The following HDGFL2 variants were observed in gnomAD, a reference collection of about 807,000 sequenced individuals.
HDGFL2 encodes the protein hepatoma-derived growth factor-related protein 2.
HDGFL2 carries 36 observed loss-of-function variants against 77.1 expected under a neutral mutation model. That is an observed-to-expected ratio of 0.47 (90% CI 0.36 to 0.62). The LOEUF is 0.62. Ranked by LOEUF, HDGFL2 falls within the 20% of genes least tolerant of loss-of-function variation. The probability of loss-of-function intolerance (pLI) is 0.00; values close to 1 mark genes in which losing one functional copy is unlikely to be tolerated. For synonymous variants in HDGFL2, 463 were observed against 413.1 expected, an observed-to-expected ratio of 1.12 and a Z score of -1.46; for missense variants, 976 against 973.4, an observed-to-expected ratio of 1.00 and a Z score of -0.04.
rs1410122498 is a variant in HDGFL2 at position 4,475,702 on chromosome 19, G to A, written c.288+119G>A. ...ATGGGGCTCGATCGTTCCCTGTGGT[G>A]GGGCATTCTGGGCCCTGCAGGTGCT... On this transcript the variant is annotated intron_variant, in intron 3 of 15. Transcript: ENST00000616600. 2.4e-6 allele frequency: 3 copies of A among 1,242,426 alleles called. 1 individual carries two copies. The highest frequency in any genetic ancestry group is 3.2e-6 in the Non-Finnish European group (3 of 928,894). 77.0% of individuals were successfully genotyped at this position (1,242,426 alleles called of 1,614,324 possible).
intron 10 of HDGFL2, 88 bp downstream of exon 10, chr19:4,496,493 C>G (rs1975706343): frequency 1.0e-6 from 1 of 1,004,006 alleles, no homozygotes; most frequent in East Asian, 2.6e-5. Context: ...GCAGCCCCAC[C>G]TCTGAGTTCA....
intron 3 of HDGFL2, among the ~76,000 whole-genome samples, chr19:4,478,032 A>G (rs1016093818): frequency 7.0e-6 from 1 of 142,180 alleles, no homozygotes; most frequent in Non-Finnish European, 1.5e-5. Flanking sequence ...GTGAGCCAGG[A>G]TTGTGCCACT....
intron 3 of HDGFL2, chr19:4,486,234 T>A (rs544011063): frequency 6.6e-6 from 1 of 152,116 alleles, no homozygotes; most frequent in South Asian, 2.1e-4. Flanking sequence ...CAGCTTGAGC[T>A]TGTTGTAACT....
intron 13 of HDGFL2, 74 bp downstream of exon 13, chr19:4,498,989 C>T (rs1412904001): frequency 3.6e-5 from 38 of 1,057,818 alleles, no homozygotes; most frequent in Admixed American, 3.0e-4. Context: ...GGAGCCCAGG[C>T]CCCCAGCAGG....
chr19:4,484,665 A>ACTTTTTT (rs1975313501), intron 3 of HDGFL2, among the ~76,000 whole-genome samples: 1 of 47,302 alleles, frequency 2.1e-5, no homozygotes, highest in South Asian at 5.4e-4. Context: ...ACGCCTGGCT[A>ACTTTTTT]ATTTTTTTTT....
chr19:4,480,461 G>C (rs1378762442), intron 3 of HDGFL2, among the ~76,000 whole-genome samples: 3 of 152,212 alleles, frequency 2.0e-5, no homozygotes, highest in Non-Finnish European at 4.4e-5. Context: ...GCTCACACCT[G>C]TAATCCCAGC....
chr19:4,491,633 A>C lies in HDGFL2; in HGVS notation c.557A>C (p.Glu186Ala). The C allele has an allele frequency of 6.2e-7, 1 of 1,613,960 alleles. No individual in the cohort carries two copies. Among genetic ancestry groups the C allele is most frequent in the Non-Finnish European group, 8.5e-7 (1 of 1,180,002 alleles). Residue 186 changes from glutamate to alanine, a missense_variant, in exon 5 of 16, where the codon GAA becomes GCA. By Grantham distance (107) the Glu-to-Ala change is moderately radical (BLOSUM62 -1). Coordinates refer to ENST00000616600, the MANE Select transcript of HDGFL2 (RefSeq NM_001001520.3). ...DLDQASVSPS[E>A]EENSESSSES... is the part of the protein sequence containing the mutation. ...GATCAGGCCAGCGTGTCCCCATCCG[A>C]AGAGGAGAACTCGGAAAGCTCATCT...
chr19:4,500,571 C>T (rs953334873), intron 14 of HDGFL2, among the ~76,000 whole-genome samples: 1 of 150,196 alleles, frequency 6.7e-6, no homozygotes, highest in Non-Finnish European at 1.5e-5. Context: ...CGCCATTCTC[C>T]TGCCTCAGCC....
chr19:4,482,481 T>C (rs1388937233), intron 3 of HDGFL2, among the ~76,000 whole-genome samples: 2 of 152,174 alleles, frequency 1.3e-5, no homozygotes, highest in African/African-American at 4.8e-5. Context: ...GTGCTGGGAT[T>C]ATAGGCGTGA....
chr19:4,496,049 C>T (rs10415208), intron 9 of HDGFL2, among the ~76,000 whole-genome samples: 26,009 of 152,090 alleles, frequency 0.17, 2,656 homozygotes, highest in African/African-American at 0.28. Flanking sequence ...TCAGCCACAG[C>T]CCAGGACTGC....
intron 15 of HDGFL2, 177 bp from the exon 16 acceptor site, chr19:4,501,734 G>A: frequency 1.8e-6 from 1 of 541,136 alleles, no homozygotes; most frequent in Non-Finnish European, 3.2e-6. Flanking sequence ...GCCAGCGTGG[G>A]GACCCTGGAG....
At chr19:4,479,904 T>TA (rs11321906) in intron 3 of HDGFL2, among the ~76,000 whole-genome samples, 14,669 of 121,880 alleles carry the variant, frequency 0.12, 848 homozygotes, top group Admixed American at 0.17. Context: ...AGACTCTGTC[T>TA]AAAAAAAAAA....
At chr19:4,473,873 T>C (rs1000576508) in intron 1 of HDGFL2, among the ~76,000 whole-genome samples, 2 of 151,656 alleles carry the variant, frequency 1.3e-5, no homozygotes, top group African/African-American at 4.9e-5. Flanking sequence ...ACCCCAATGC[T>C]TGAAATGGAG....
chr19:4,494,006 G>C lies in HDGFL2; in HGVS notation c.863G>C (p.Arg288Pro). ...KPAEKPLPKP[R>P]GRKPKPERPP... ...GCGGAGAAGCCTCTCCCGAAGCCGC[G>C]AGGGCGGAAACCGAAGCCTGAACGG... Residue 288 changes from arginine (R) to proline (P), a missense_variant, in exon 8 of 16, where the codon CGA becomes CCA. By Grantham distance (103) the Arg-to-Pro change is moderately radical. This residue lies in a region of HDGFL2 where 567 missense variants were observed against 534.7 expected (regional missense o/e 1.06). Coordinates refer to ENST00000616600, the MANE Select transcript of HDGFL2 (RefSeq NM_001001520.3). The C allele has an allele frequency of 6.2e-7, 1 of 1,611,600 alleles. No homozygotes were observed. The highest frequency in any genetic ancestry group is 8.5e-7 in the Non-Finnish European group (1 of 1,179,282).
In HDGFL2 at chr19:4,501,942, C is replaced by G. The variant is rs868097317; in HGVS notation, c.1948C>G (p.Pro650Ala). 3 of 1,498,058 alleles carry G rather than the reference C, an allele frequency of 2.0e-6. No individual in the cohort carries two copies. The African/African-American group carries it at 4.3e-5, about 21-fold the overall frequency. The allele number at this position is 1,498,058 out of a possible 1,614,324, so 92.8% of individuals were successfully genotyped here. A position where few individuals can be genotyped will look rare whatever the true frequency, so the allele number is the denominator to read the frequency against. ...SVREGPDLDR[P>A]GSDRQERERA... The stretch of plus-strand genomic sequence containing the variant: ...ACGGGAGGGTCCCGACCTGGACAGG[C>G]CTGGGAGCGACCGGCAGGAGCGCGA... Residue 650 changes from proline (P) to alanine (A), a missense_variant, in exon 16 of 16, where the codon CCT becomes GCT. This residue lies in a region of HDGFL2 where 229 missense variants were observed against 187.3 expected (regional missense o/e 1.22). Transcript: ENST00000616600.
intron 12 of HDGFL2, 151 bp downstream of exon 12, chr19:4,498,527 C>G (rs1297276258): frequency 4.4e-6 from 3 of 678,330 alleles, no homozygotes; most frequent in African/African-American, 1.8e-5. Flanking sequence ...CGCATGGGGT[C>G]TCCTGGCCAA....
At position 4,475,535 on chromosome 19, in the gene HDGFL2, G is replaced by A; in HGVS notation, c.240G>A (p.Gly80=). The A allele has an allele frequency of 6.3e-7, 1 of 1,596,272 alleles. No individual in the cohort carries two copies. The part of the protein sequence containing the change: ...KPNKRKGFNE[G]LWEIQNNPHA... ...ACAAGAGGAAAGGCTTCAATGAAGG[G>A]CTGTGGGAGATCCAGAACAACCCCC... The change falls in exon 3 of 16, where the codon GGG becomes GGA. Residue 80 remains glycine, a synonymous_variant. Coordinates refer to ENST00000616600, the MANE Select transcript of HDGFL2 (RefSeq NM_001001520.3).
In HDGFL2 at chr19:4,502,097, TG is replaced by T; in HGVS notation, c.*91del. 1.1e-6 allele frequency: 1 copy of T among 920,378 alleles called. No homozygotes were observed. Among genetic ancestry groups the T allele is most frequent in the Admixed American group, 2.0e-5 (1 of 49,718 alleles). 57.0% of individuals were successfully genotyped at this position (920,378 alleles called of 1,614,324 possible). ...CGCAGGAGAGCAGAGCAGAGAACTG[TG>T]GGGAACGCTGTGCTGTTTGTATTTG... On this transcript the variant is annotated 3_prime_UTR_variant, in exon 16 of 16. Transcript: ENST00000616600.
intron 3 of HDGFL2, among the ~76,000 whole-genome samples, chr19:4,479,813 G>A (rs546289033): frequency 1.3e-5 from 2 of 151,208 alleles, no homozygotes; most frequent in East Asian, 3.9e-4. Context: ...GGCTGAGGCC[G>A]GGGAATCTCT....
Sources: allele counts gnomAD v4.1 joint callset (sites outside exome capture counted in the v4.1 genomes callset), GRCh38; gene constraint gnomAD v4.1.1; regional missense constraint gnomAD v4.1.1; transcripts MANE v1.5; gene names NCBI Gene and HGNC (gene_info 2026-07-23, HGNC 2026-07-21).